FAT3: variants seen among roughly 807,000 people sequenced by gnomAD.
The protein encoded by FAT3 is protocadherin Fat 3.
A neutral mutation model predicts 310.2 loss-of-function variants in FAT3; 95 were observed. The ratio of observed to expected loss-of-function variants is 0.31; its 90% CI spans 0.26 to 0.36. The LOEUF (loss-of-function observed/expected upper bound fraction) is 0.36, where lower values mean the gene tolerates loss of function less well. Among genes scored for constraint, FAT3 ranks in the 10% least tolerant of loss-of-function variants. The pLI is 1.00. For synonymous variants in FAT3, 2,314 were observed against 2,192.9 expected, an observed-to-expected ratio of 1.06 and a Z score of -1.54; for missense variants, 5,408 against 5,715.6, an observed-to-expected ratio of 0.95 and a Z score of 1.74.
chr11:92,631,913 A>G (rs1170650818), intron 3 of FAT3, among the ~76,000 whole-genome samples: 2 of 152,052 alleles, frequency 1.3e-5, no homozygotes, highest in Non-Finnish European at 2.9e-5. Flanking sequence ...CTTTGCCTCT[A>G]TGTCTCCCTC....
chr11:92,722,628 C>T (rs1591648992), intron 4 of FAT3, among the ~76,000 whole-genome samples: 1 of 152,332 alleles, frequency 6.6e-6, no homozygotes, highest in East Asian at 1.9e-4. Context: ...ACTGCCCTAG[C>T]AGAGGTTCTC....
intron 2 of FAT3, among the ~76,000 whole-genome samples, chr11:92,372,537 C>T (rs965754083): frequency 1.3e-5 from 2 of 152,108 alleles, no homozygotes. Context: ...TGCAAAATGA[C>T]ACATTTCCCA....
At chr11:92,396,821 C>T (rs1949880192) in intron 2 of FAT3, among the ~76,000 whole-genome samples, 1 of 152,162 alleles carries the variant, frequency 6.6e-6, no homozygotes, top group South Asian at 2.1e-4. Flanking sequence ...ATTCTCCTGC[C>T]TTAGCCTCCC....
chr11:92,629,561 C>T (rs1348807620), intron 3 of FAT3, among the ~76,000 whole-genome samples: 1 of 151,960 alleles, frequency 6.6e-6, no homozygotes, highest in African/African-American at 2.4e-5. Flanking sequence ...TAGGCACGTG[C>T]CACCACATCC....
At chr11:92,645,902 T>G (rs2135741891) in intron 3 of FAT3, among the ~76,000 whole-genome samples, 1 of 152,260 alleles carries the variant, frequency 6.6e-6, no homozygotes, top group East Asian at 1.9e-4. Flanking sequence ...CACAGCTCTG[T>G]GTTGAAGTGA....
At chr11:92,609,204 G>C (rs903965410) in intron 3 of FAT3, among the ~76,000 whole-genome samples, 2 of 152,138 alleles carry the variant, frequency 1.3e-5, no homozygotes, top group African/African-American at 2.4e-5. Flanking sequence ...TAGTGAACTT[G>C]GACACTTTTG....
chr11:92,256,270 T>TA (rs1865310187), intron 1 of FAT3, among the ~76,000 whole-genome samples: 2 of 151,822 alleles, frequency 1.3e-5, no homozygotes, highest in African/African-American at 2.4e-5. Context: ...AGATCGCCCT[T>TA]AAACGAGTAT....
chr11:92,628,511 T>G (rs915703367), intron 3 of FAT3, among the ~76,000 whole-genome samples: 1 of 152,178 alleles, frequency 6.6e-6, no homozygotes, highest in East Asian at 1.9e-4. Context: ...CTTGAAACAT[T>G]AAACTAGGGG....
chr11:92,418,734 G>A (rs1428000673), intron 2 of FAT3, among the ~76,000 whole-genome samples: 30 of 152,100 alleles, frequency 2.0e-4, no homozygotes, highest in Admixed American at 1.9e-3. Flanking sequence ...GATGCATAAA[G>A]TAGTTTGCTT....
intron 1 of FAT3, among the ~76,000 whole-genome samples, chr11:92,338,436 G>A (rs1948148964): frequency 6.6e-6 from 1 of 152,104 alleles, no homozygotes; most frequent in African/African-American, 2.4e-5. Flanking sequence ...ATTGTAGCTT[G>A]GGGTAGAATT....
intron 3 of FAT3, among the ~76,000 whole-genome samples, chr11:92,614,945 T>C (rs1317803277): frequency 6.6e-6 from 1 of 152,256 alleles, no homozygotes; most frequent in Admixed American, 6.5e-5. Flanking sequence ...GTCCTAGCAC[T>C]ATATGTTATG....
chr11:92,563,272 A>T (rs960110563), intron 3 of FAT3, among the ~76,000 whole-genome samples: 2 of 151,302 alleles, frequency 1.3e-5, no homozygotes, highest in South Asian at 2.1e-4. Context: ...TATATATATA[A>T]GCAACAGCAA....
chr11:92,573,708 A>G (rs1319526273), intron 3 of FAT3, among the ~76,000 whole-genome samples: 2 of 152,118 alleles, frequency 1.3e-5, no homozygotes, highest in Non-Finnish European at 2.9e-5. Context: ...CCCAAGCCAC[A>G]GAATTCCAAG....
chr11:92,549,714 A>T (rs961614690), intron 3 of FAT3, among the ~76,000 whole-genome samples: 2 of 152,174 alleles, frequency 1.3e-5, no homozygotes, highest in Non-Finnish European at 2.9e-5. Context: ...CAAGTTTGTC[A>T]TTGAAGAAAT....
At chr11:92,729,517 C>T (rs920873048) in intron 4 of FAT3, among the ~76,000 whole-genome samples, 17 of 151,030 alleles carry the variant, frequency 1.1e-4, no homozygotes, top group African/African-American at 3.9e-4. Context: ...CCCTCTGCCT[C>T]CCGGGTTCAA....
chr11:92,585,629 G>C (rs377101231), intron 3 of FAT3, among the ~76,000 whole-genome samples: 2 of 152,024 alleles, frequency 1.3e-5, no homozygotes, highest in South Asian at 4.1e-4. Context: ...ATACATGATT[G>C]TTGTTTTAAG....
rs1021703370 is a variant in FAT3, at chr11:92,399,599, G to T, written c.3292+44195G>T. Among the ~76,000 whole-genome samples the T allele has an allele frequency of 3.3e-5, 5 of 152,132 alleles. No homozygotes were observed. The East Asian group carries it at 7.7e-4, about 23-fold the overall frequency. On this transcript the variant is annotated intron_variant, in intron 2 of 27. Transcript: ENST00000525166. The stretch of plus-strand genomic sequence containing the variant: ...TGATTCTTGACACGCCCACAACTTG[G>T]TTGGTGGGAGCAGAAGAGGAAATAT...
rs951151544 is a variant in FAT3, at chr11:92,867,023, G to T, written c.11941G>T (p.Gly3981Cys). 3 of 1,592,432 alleles carry T rather than the reference G, an allele frequency of 1.9e-6. No individual in the cohort carries two copies. Among genetic ancestry groups the T allele is most frequent in the Non-Finnish European group, 2.6e-6 (3 of 1,169,596 alleles). ...CACGCGGGTCACGCAGGTGCTCAGC[G>T]GCTTCCAGGGCTGCCTGGACTCGGT... ...TDTRVTQVLS[G>C]FQGCLDSVIL... The change falls in exon 22 of 28, where the codon GGC becomes TGC. Residue 3981 changes from glycine to cysteine, a missense_variant. Gly to Cys is a radical substitution (Grantham distance 159, BLOSUM62 -3). Transcript: ENST00000525166.
At chr11:92,293,794 AG>A (rs1946775419) in intron 1 of FAT3, among the ~76,000 whole-genome samples, 2 of 151,798 alleles carry the variant, frequency 1.3e-5, no homozygotes, top group Admixed American at 1.3e-4. Context: ...TGCTTTCATA[AG>A]GATCTTTTAT....
Sources: gnomAD v4.1 joint callset for allele counts (sites outside exome capture counted in the v4.1 genomes callset) on GRCh38, gnomAD v4.1.1 for gene constraint, MANE v1.5 for transcripts, NCBI Gene and HGNC (gene_info 2026-07-23, HGNC 2026-07-21) for gene names.